The following NOL10 variants were observed in gnomAD, a reference collection of about 807,000 sequenced individuals.
NOL10 encodes the protein H_NH0074G24.1.
Under a neutral mutation model 103.5 loss-of-function variants are expected in NOL10, and 58 were observed. That is an observed-to-expected ratio of 0.56 (90% CI 0.45 to 0.70). The LOEUF (loss-of-function observed/expected upper bound fraction) is 0.70. Ranked by LOEUF, NOL10 falls within the 30% of genes least tolerant of loss-of-function variation. NOL10 has a pLI of 0.00. For synonymous variants in NOL10, 287 were observed against 282.5 expected, an observed-to-expected ratio of 1.02 and a Z score of -0.16; for missense variants, 763 against 807.3, an observed-to-expected ratio of 0.95 and a Z score of 0.67.
intron 9 of NOL10, 65 bp from the exon 10 acceptor site, chr2:10,659,315 A>G (rs996618523): frequency 1.6e-5 from 8 of 508,380 alleles, no homozygotes; most frequent in African/African-American, 1.4e-4. Context: ...TAACAAGTTC[A>G]TTATTAGTCT....
intron 12 of NOL10, among the ~76,000 whole-genome samples, chr2:10,653,468 C>A (rs1014039575): frequency 3.9e-5 from 6 of 152,192 alleles, no homozygotes; most frequent in African/African-American, 1.4e-4. Flanking sequence ...TTGTCCAAAA[C>A]CAATCTACCC....
intron 9 of NOL10, among the ~76,000 whole-genome samples, chr2:10,662,125 C>T (rs886620083): frequency 3.3e-5 from 5 of 152,114 alleles, no homozygotes; most frequent in South Asian, 4.1e-4. Context: ...AACATGTATG[C>T]CATTGACGAA....
At chr2:10,669,824 G>A (rs960385738) in intron 6 of NOL10, among the ~76,000 whole-genome samples, 2 of 151,760 alleles carry the variant, frequency 1.3e-5, no homozygotes, top group African/African-American at 2.4e-5. Context: ...CCTGGGAGGT[G>A]GAGGTTACAG....
At chr2:10,659,151 T>A in intron 10 of NOL10, 21 bp downstream of exon 10, 1 of 1,540,388 alleles carries the variant, frequency 6.5e-7, no homozygotes, top group Non-Finnish European at 8.9e-7. Context: ...TACATGTGGT[T>A]TCCAAATTAA....
chr2:10,582,030 CCTA>C (rs1286713888), intron 19 of NOL10, among the ~76,000 whole-genome samples: 3 of 152,120 alleles, frequency 2.0e-5, no homozygotes, highest in African/African-American at 7.2e-5. Context: ...TGATAACATG[CCTA>C]CATAGTACTG....
intron 9 of NOL10, 49 bp downstream of exon 9, chr2:10,662,910 T>TA: frequency 7.4e-7 from 1 of 1,360,502 alleles, no homozygotes; most frequent in Non-Finnish European, 1.0e-6. Flanking sequence ...ACACATTACT[T>TA]AAATTAAAAG....
chr2:10,571,690 AG>A lies in NOL10; in HGVS notation c.*380del. The A allele has an allele frequency of 6.2e-6, 1 of 160,834 alleles. No homozygotes were observed. The highest frequency in any genetic ancestry group is 1.8e-4 in the East Asian group (1 of 5,556). The allele number at this position is 160,834 out of a possible 1,614,324, so 10.0% of individuals were successfully genotyped here. ...GGATGGTTTAATCATGAATGGCGGT[AG>A]GCAGTGTAAGAAAAAAGTTCCTAGA... On this transcript the variant is annotated 3_prime_UTR_variant, in exon 21 of 21. Coordinates refer to ENST00000381685, the MANE Select transcript of NOL10 (RefSeq NM_024894.4).
chr2:10,591,840 C>G (rs13425171), intron 17 of NOL10, among the ~76,000 whole-genome samples: 46,190 of 151,766 alleles, frequency 0.3, 7,742 homozygotes, highest in Non-Finnish European at 0.39. Context: ...GCTGTCTATA[C>G]AAAATATAAA....
chr2:10,579,859 T>C (rs943867265), intron 19 of NOL10, among the ~76,000 whole-genome samples: 4 of 152,304 alleles, frequency 2.6e-5, no homozygotes, highest in African/African-American at 9.6e-5. Flanking sequence ...AACACTAATT[T>C]AGGAAGAAAA....
At chr2:10,667,567 C>T (rs1680640564) in intron 7 of NOL10, among the ~76,000 whole-genome samples, 2 of 152,194 alleles carry the variant, frequency 1.3e-5, no homozygotes, top group African/African-American at 2.4e-5. Flanking sequence ...AAGGGTCACT[C>T]TATTTTTCAA....
intron 6 of NOL10, among the ~76,000 whole-genome samples, chr2:10,670,264 T>G (rs1572416557): frequency 6.6e-6 from 1 of 152,168 alleles, no homozygotes; most frequent in East Asian, 1.9e-4. Context: ...AGATCATGTC[T>G]TATTCTTCTT....
intron 13 of NOL10, among the ~76,000 whole-genome samples, chr2:10,630,451 A>G (rs1677760036): frequency 6.6e-6 from 1 of 152,160 alleles, no homozygotes; most frequent in Non-Finnish European, 1.5e-5. Flanking sequence ...GATGGCTCAC[A>G]CCTATAATCC....
intron 13 of NOL10, among the ~76,000 whole-genome samples, chr2:10,638,934 T>C (rs1379561294): frequency 6.6e-6 from 1 of 151,006 alleles, no homozygotes; most frequent in African/African-American, 2.4e-5. Context: ...TCCTGAGTAG[T>C]TGGGACTACA....
intron 8 of NOL10, among the ~76,000 whole-genome samples, chr2:10,664,087 C>A (rs1680409290): frequency 6.6e-6 from 1 of 151,460 alleles, no homozygotes; most frequent in Non-Finnish European, 1.5e-5. Flanking sequence ...CCACTGCACT[C>A]CTGCCTAGGC....
At chr2:10,688,001 T>C (rs527263831) in intron 1 of NOL10, among the ~76,000 whole-genome samples, 7 of 152,322 alleles carry the variant, frequency 4.6e-5, no homozygotes, top group African/African-American at 1.7e-4. Flanking sequence ...TTCTTCTCCA[T>C]GTCAGTTAGC....
intron 13 of NOL10, among the ~76,000 whole-genome samples, chr2:10,630,482 G>A (rs1408694718): frequency 6.6e-6 from 1 of 152,160 alleles, no homozygotes; most frequent in Admixed American, 6.5e-5. Context: ...GGAGGCTGAG[G>A]CGGGCGGATC....
Position 10,657,738 on chromosome 2 carries a change from A to G in NOL10, c.906+4T>C, listed in dbSNP as rs765668390. On this transcript the variant is annotated splice_donor_region_variant and intron_variant, in intron 11 of 20. Transcript: ENST00000381685. The stretch of plus-strand genomic sequence containing the variant: ...AGCAAGTAATTTCAACCAAAAATAC[A>G]TACGGAGTTCTTATTCCACATCTTG... 3 of 1,548,648 alleles carry G rather than the reference A, an allele frequency of 1.9e-6. No homozygotes were observed. Among genetic ancestry groups the G allele is most frequent in the Admixed American group, 4.0e-5 (2 of 50,496 alleles).
intron 9 of NOL10, among the ~76,000 whole-genome samples, chr2:10,661,263 CAG>C (rs894247575): frequency 3.4e-4 from 52 of 151,562 alleles, no homozygotes; most frequent in African/African-American, 1.1e-3. Context: ...TTAGTAGAGA[CAG>C]GGTTTCTCTG....
intron 3 of NOL10, among the ~76,000 whole-genome samples, chr2:10,676,199 T>C (rs935175145): frequency 3.3e-5 from 5 of 152,218 alleles, no homozygotes; most frequent in African/African-American, 1.2e-4. Context: ...GTATAAAATA[T>C]TCCCCTATAC....
Sources: allele counts gnomAD v4.1 joint callset (sites outside exome capture counted in the v4.1 genomes callset), GRCh38; gene constraint gnomAD v4.1.1; transcripts MANE v1.5; gene names NCBI Gene and HGNC (gene_info 2026-07-23, HGNC 2026-07-21).